MRPS9: variants seen among roughly 807,000 people sequenced by gnomAD.
MRPS9 encodes mitochondrial ribosomal protein S9, also known as small ribosomal subunit protein uS9m.
Under a neutral mutation model 59.9 loss-of-function variants are expected in MRPS9, and 45 were observed. That is an observed-to-expected ratio of 0.75 (90% CI 0.59 to 0.96). The LOEUF is 0.96. Ranked by LOEUF, MRPS9 falls within the 40% of genes least tolerant of loss-of-function variation. The pLI is 0.00. For synonymous variants in MRPS9, 171 were observed against 166.8 expected (o/e 1.03, Z -0.19); for missense variants, 473 against 481.1 (o/e 0.98, Z 0.16).
intron 2 of MRPS9, among the ~76,000 whole-genome samples, chr2:105,052,957 G>T (rs559205728): frequency 6.6e-6 from 1 of 152,230 alleles, no homozygotes; most frequent in South Asian, 2.1e-4. Context: ...ACAAGGTCTT[G>T]CTATTTTGTT....
At chr2:105,073,069 T>C (rs1303193622) in intron 4 of MRPS9, among the ~76,000 whole-genome samples, 1 of 152,194 alleles carries the variant, frequency 6.6e-6, no homozygotes, top group Non-Finnish European at 1.5e-5. Flanking sequence ...CTAGTAGCTT[T>C]TCGGTAAATG....
intron 8 of MRPS9, among the ~76,000 whole-genome samples, chr2:105,093,252 T>C (rs1027457622): frequency 1.3e-5 from 2 of 152,214 alleles, no homozygotes; most frequent in Admixed American, 1.3e-4. Flanking sequence ...GGGAAATGAA[T>C]ATAAATTACT....
At chr2:105,047,511 A>G (rs76376134) in intron 1 of MRPS9, among the ~76,000 whole-genome samples, 2,552 of 152,088 alleles carry the variant, frequency 0.017, 75 homozygotes, top group African/African-American at 0.059. Flanking sequence ...GGATGGTGCC[A>G]GTGAATGATG....
At chr2:105,083,899 T>C (rs1478282313) in intron 5 of MRPS9, among the ~76,000 whole-genome samples, 1 of 152,190 alleles carries the variant, frequency 6.6e-6, no homozygotes, top group East Asian at 1.9e-4. Flanking sequence ...AACCAGTGCT[T>C]GGGGAGGACC....
At chr2:105,063,772 A>G (rs1341118208) in intron 2 of MRPS9, among the ~76,000 whole-genome samples, 1 of 152,232 alleles carries the variant, frequency 6.6e-6, no homozygotes, top group African/African-American at 2.4e-5. Context: ...CTAGTTGTCT[A>G]TAGAAGAGTT....
rs555574300 is a variant in MRPS9 at position 105,090,428 on chromosome 2, C to A, written c.651+433C>A. On this transcript the variant is annotated intron_variant, in intron 7 of 10. Transcript: ENST00000258455. ...TGCAGTTTACTGCTTACCTTGTGTG[C>A]CATATCTGTAAGGTCAGTGGTTTTT... is the stretch of plus-strand genomic sequence containing the variant. Among the ~76,000 whole-genome samples the A allele has an allele frequency of 4.6e-5, 7 of 152,316 alleles. No individual in the cohort carries two copies. The South Asian group carries it at 1.4e-3, about 32-fold the overall frequency.
At chr2:105,049,939 T>A (rs553445386) in intron 2 of MRPS9, among the ~76,000 whole-genome samples, 1 of 150,782 alleles carries the variant, frequency 6.6e-6, no homozygotes, top group South Asian at 2.1e-4. Flanking sequence ...TAATATCCCA[T>A]GATGTTTTAT....
chr2:105,061,392 C>T (rs528763129), intron 2 of MRPS9, among the ~76,000 whole-genome samples: 3 of 152,242 alleles, frequency 2.0e-5, no homozygotes, highest in Admixed American at 2.0e-4. Flanking sequence ...CTGTTGTGCT[C>T]CCTGAGTGGG....
intron 5 of MRPS9, among the ~76,000 whole-genome samples, chr2:105,080,816 T>G (rs937585111): frequency 2.6e-5 from 4 of 152,184 alleles, no homozygotes; most frequent in Non-Finnish European, 5.9e-5. Context: ...AGTGCACACA[T>G]TTACTCTGCT....
chr2:105,092,021 ATAACTTAC>A (rs1256887957), intron 7 of MRPS9: 1 of 165,826 alleles, frequency 6.0e-6, no homozygotes, highest in Non-Finnish European at 1.3e-5. Flanking sequence ...ATTACTATAC[ATAACTTAC>A]TTGAAATTAT....
At chr2:105,094,473 T>C (rs1446022273) in intron 9 of MRPS9, among the ~76,000 whole-genome samples, 2 of 152,188 alleles carry the variant, frequency 1.3e-5, no homozygotes, top group Non-Finnish European at 2.9e-5. Flanking sequence ...TCCTAATCCT[T>C]CTCCTGTTTC....
chr2:105,048,042 A>G (rs992558463), intron 1 of MRPS9, among the ~76,000 whole-genome samples: 14 of 152,126 alleles, frequency 9.2e-5, no homozygotes, highest in African/African-American at 3.4e-4. Flanking sequence ...CCATAAAGAC[A>G]CATGCACACG....
At position 105,097,199 on chromosome 2, in the gene MRPS9, AG is replaced by A. The variant is rs747808033; in HGVS notation, c.975del (p.Lys325AsnfsTer4). 1 of 1,603,226 alleles carries A rather than the reference AG, an allele frequency of 6.2e-7. No homozygotes were observed. The highest frequency in any genetic ancestry group is 8.5e-7 in the Non-Finnish European group (1 of 1,175,294). ...FPFHFVDRLG[K>X]HDVTCTVSGG... ...TTCCACTTTGTTGACCGGCTGGGAA[AG>A]CACGACGTGACCTGCACAGTCTCAG... is the stretch of plus-strand genomic sequence containing the variant. On this transcript the variant is annotated frameshift_variant, in exon 10 of 11. Transcript: ENST00000258455. LOFTEE classifies it high-confidence loss of function.
intron 8 of MRPS9, among the ~76,000 whole-genome samples, 194 bp from the exon 9 acceptor site, chr2:105,093,336 C>T (rs59563010): frequency 0.066 from 9,969 of 152,148 alleles, 473 homozygotes; most frequent in East Asian, 0.27. Flanking sequence ...AATTACCCCA[C>T]AATGAGCTTT....
chr2:105,050,614 T>G (rs942041419), intron 2 of MRPS9, among the ~76,000 whole-genome samples: 1 of 152,226 alleles, frequency 6.6e-6, no homozygotes, highest in Non-Finnish European at 1.5e-5. Context: ...GATATTACAT[T>G]TTAAAAATTA....
intron 6 of MRPS9, among the ~76,000 whole-genome samples, chr2:105,089,358 C>T (rs1680513248): frequency 2.0e-5 from 3 of 152,138 alleles, no homozygotes; most frequent in Admixed American, 2.0e-4. Context: ...ATTTATTTAG[C>T]ATTTGCATGC....
chr2:105,094,939 G>T (rs1003130484), intron 9 of MRPS9, among the ~76,000 whole-genome samples: 1 of 152,296 alleles, frequency 6.6e-6, no homozygotes, highest in African/African-American at 2.4e-5. Flanking sequence ...GAATTCAGCA[G>T]CTTTTTACTA....
chr2:105,051,738 A>T (rs1010835380), intron 2 of MRPS9, among the ~76,000 whole-genome samples: 1 of 152,134 alleles, frequency 6.6e-6, no homozygotes, highest in African/African-American at 2.4e-5. Flanking sequence ...TAGTTTTCAG[A>T]GTCTAAATTT....
intron 4 of MRPS9, among the ~76,000 whole-genome samples, chr2:105,077,928 A>G (rs1558759113): frequency 6.6e-6 from 1 of 152,158 alleles, no homozygotes; most frequent in Non-Finnish European, 1.5e-5. Context: ...AAGTTTTGGC[A>G]CAACTTTTGG....
Sources: allele counts gnomAD v4.1 joint callset (sites outside exome capture counted in the v4.1 genomes callset), GRCh38; gene constraint gnomAD v4.1.1; transcripts MANE v1.5; gene names NCBI Gene and HGNC (gene_info 2026-07-23, HGNC 2026-07-21).